The following SLC36A4 variants were observed in gnomAD, a reference collection of about 807,000 sequenced individuals.
SLC36A4 encodes solute carrier family 36 member 4.
In SLC36A4, 49 loss-of-function variants were observed where a neutral mutation model predicts 50.5. That is an observed-to-expected ratio of 0.97 (90% CI 0.77 to 1.23). The LOEUF is 1.23. Among genes scored for constraint, SLC36A4 ranks in the 50% most tolerant of loss-of-function variants. The pLI, the probability that SLC36A4 is intolerant of heterozygous loss-of-function variation, is 0.00. For synonymous variants in SLC36A4, 207 were observed against 206.5 expected (o/e 1.00, Z -0.02); for missense variants, 611 against 608.4 (o/e 1.00, Z -0.05).
At chr11:93,160,000 A>C in intron 9 of SLC36A4, 1 of 985,420 alleles carries the variant, frequency 1.0e-6, no homozygotes, top group Middle Eastern at 5.2e-4. Flanking sequence ...ACAATCTCTA[A>C]CTTTCGAGGC....
At position 93,168,010 on chromosome 11, in the gene SLC36A4, T is replaced by A. The variant is rs570054127; in HGVS notation, c.702A>T (p.Val234=). The A allele has an allele frequency of 1.9e-6, 3 of 1,612,582 alleles. No individual in the cohort carries two copies. Among genetic ancestry groups the A allele is most frequent in the Non-Finnish European group, 2.5e-6 (3 of 1,179,190 alleles). The change falls in exon 7 of 11, where the codon GTA becomes GTT. Residue 234 remains valine (V), a synonymous_variant. Coordinates refer to ENST00000326402, the MANE Select transcript of SLC36A4 (RefSeq NM_152313.4). The part of the protein sequence containing the change: ...VFIRELKNLF[V]LSFLANVSMA... ...TGGAAACGTTGGCAAGGAATGAAAG[T>A]ACAAATAGATTCTTTAGTTCACGAA...
intron 10 of SLC36A4, 35 bp downstream of exon 10, chr11:93,154,073 A>T (rs1860230698): frequency 2.0e-6 from 2 of 1,024,788 alleles, no homozygotes; most frequent in African/African-American, 1.7e-5. Context: ...GAACAATAAA[A>T]AATTATTATG....
At chr11:93,194,504 A>G (rs1862340895) in intron 1 of SLC36A4, among the ~76,000 whole-genome samples, 1 of 152,172 alleles carries the variant, frequency 6.6e-6, no homozygotes, top group African/African-American at 2.4e-5. Flanking sequence ...ACCTTAAGCT[A>G]TTTACATACC....
At chr11:93,159,975 A>G in intron 9 of SLC36A4, 4 of 985,454 alleles carry the variant, frequency 4.1e-6, no homozygotes, top group Non-Finnish European at 4.8e-6. Context: ...ATACTCTGCC[A>G]ATAGAGTACA....
chr11:93,160,342 T>C, intron 9 of SLC36A4: 1 of 985,424 alleles, frequency 1.0e-6, no homozygotes. Context: ...TTTTGTTGTT[T>C]CTTAGGATAC....
At position 93,145,290 on chromosome 11, in the gene SLC36A4, G is replaced by C. The variant is rs1859826147; in HGVS notation, c.*3247C>G. 6.6e-6 allele frequency: 1 copy of C among 152,088 alleles called. No homozygotes were observed. The highest frequency in any genetic ancestry group is 1.5e-5 in the Non-Finnish European group (1 of 68,002). 9.4% of individuals were successfully genotyped at this position (152,088 alleles called of 1,614,324 possible). ...ATACAACGCTTGTAAATATGTAAGT[G>C]CATTTTCCAGGCAAGATGCAGAAAT... On this transcript the variant is annotated 3_prime_UTR_variant, in exon 11 of 11. Transcript: ENST00000326402.
At chr11:93,178,856 C>T (rs1441443860) in intron 6 of SLC36A4, among the ~76,000 whole-genome samples, 2 of 152,080 alleles carry the variant, frequency 1.3e-5, no homozygotes, top group Non-Finnish European at 2.9e-5. Context: ...AGCAATCAGA[C>T]AAGAGAAAGA....
intron 8 of SLC36A4, among the ~76,000 whole-genome samples, chr11:93,163,096 T>C (rs73551524): frequency 6.7e-4 from 102 of 152,268 alleles, no homozygotes; most frequent in African/African-American, 2.4e-3. Flanking sequence ...GCAAACCTGT[T>C]AGTTTTTTTT....
At chr11:93,193,922 GAAACAACCT>G (rs1239672574) in intron 1 of SLC36A4, among the ~76,000 whole-genome samples, 2 of 152,078 alleles carry the variant, frequency 1.3e-5, no homozygotes, top group Admixed American at 1.3e-4. Context: ...TGAAAATTGC[GAAACAACCT>G]AAATGTACAG....
At chr11:93,157,471 C>T (rs1860419858) in intron 9 of SLC36A4, among the ~76,000 whole-genome samples, 1 of 152,126 alleles carries the variant, frequency 6.6e-6, no homozygotes, top group East Asian at 1.9e-4. Flanking sequence ...TCTTCCTATC[C>T]ATGAGCATGG....
chr11:93,160,168 C>T (rs918261502), intron 9 of SLC36A4: 1 of 985,420 alleles, frequency 1.0e-6, no homozygotes, highest in Non-Finnish European at 1.2e-6. Flanking sequence ...CTCTTGTATT[C>T]CTCAGTTGTG....
chr11:93,160,227 C>G (rs1482466972), intron 9 of SLC36A4: 1 of 985,268 alleles, frequency 1.0e-6, no homozygotes, highest in Non-Finnish European at 1.2e-6. Context: ...CAGAAACAGA[C>G]TATAGGCTGC....
chr11:93,175,424 G>T (rs1427498043), intron 6 of SLC36A4, among the ~76,000 whole-genome samples: 1 of 150,624 alleles, frequency 6.6e-6, no homozygotes, highest in African/African-American at 2.4e-5. Flanking sequence ...ATTTTTTGAA[G>T]GGTTTTTTGT....
At position 93,148,735 on chromosome 11, in the gene SLC36A4, T is replaced by C. The variant is rs1459901041; in HGVS notation, c.1317A>G (p.Thr439=). 1.9e-6 allele frequency: 3 copies of C among 1,612,864 alleles called. No individual in the cohort carries two copies. Among genetic ancestry groups the C allele is most frequent in the East Asian group, 2.2e-5 (1 of 44,800 alleles). ...ATATATTATAATGTTCCTTCGAAAA[T>C]GTAAGAATTTCAACCAAAGGTGGCA... ...LILPPLVEIL[T]FSKEHYNIWM... is the part of the protein sequence containing the mutation. Residue 439 remains threonine (T), a synonymous_variant, in exon 11 of 11, where the codon ACA becomes ACG. Coordinates refer to ENST00000326402, the MANE Select transcript of SLC36A4 (RefSeq NM_152313.4).
intron 10 of SLC36A4, among the ~76,000 whole-genome samples, chr11:93,151,141 T>C (rs780078966): frequency 4.6e-5 from 7 of 152,032 alleles, no homozygotes; most frequent in Non-Finnish European, 7.4e-5. Context: ...CTATTGGTAA[T>C]GTTATTAGTA....
intron 9 of SLC36A4, among the ~76,000 whole-genome samples, chr11:93,155,694 C>T (rs1216042673): frequency 6.6e-6 from 1 of 151,806 alleles, no homozygotes; most frequent in African/African-American, 2.4e-5. Context: ...AGCCTAGTAC[C>T]CATTGGTTAT....
At position 93,185,675 on chromosome 11, in the gene SLC36A4, A is replaced by C; in HGVS notation, c.179+16T>G. ...TGAATTAAAAGAAAAGGAGACTTAT[A>C]AACCATAACACTTACGAAATGCCCT... On this transcript the variant is annotated intron_variant, in intron 2 of 10. Coordinates refer to ENST00000326402, the MANE Select transcript of SLC36A4 (RefSeq NM_152313.4). 6.4e-7 allele frequency: 1 copy of C among 1,560,180 alleles called. No individual in the cohort carries two copies. The highest frequency in any genetic ancestry group is 8.6e-7 in the Non-Finnish European group (1 of 1,160,906).
intron 6 of SLC36A4, chr11:93,171,527 GTACT>G (rs755423631): frequency 2.6e-4 from 39 of 152,048 alleles, no homozygotes; most frequent in Non-Finnish European, 5.6e-4. Flanking sequence ...AATGAGCATA[GTACT>G]TACTTTACAG....
intron 6 of SLC36A4, chr11:93,180,125 T>C: frequency 3.1e-6 from 3 of 957,896 alleles, no homozygotes; most frequent in Non-Finnish European, 3.7e-6. Context: ...ATAAATATTA[T>C]TGATTAAAAT....
Sources: gnomAD v4.1 joint callset for allele counts (sites outside exome capture counted in the v4.1 genomes callset) on GRCh38, gnomAD v4.1.1 for gene constraint, MANE v1.5 for transcripts, NCBI Gene and HGNC (gene_info 2026-07-23, HGNC 2026-07-21) for gene names.